Variants in CCDC38 observed in about 807,000 individuals in gnomAD.
The protein encoded by CCDC38 is coiled-coil domain-containing protein 38.
In CCDC38, 69 loss-of-function variants were observed where a neutral mutation model predicts 72.8. The ratio of observed to expected loss-of-function variants is 0.95; its 90% confidence interval spans 0.78 to 1.16. The LOEUF (loss-of-function observed/expected upper bound fraction) is 1.16. Ranked by LOEUF, CCDC38 falls within the 50% of genes most tolerant of loss-of-function variation. The pLI is 0.00. For synonymous variants in CCDC38, 201 were observed against 213.2 expected (o/e 0.94, Z 0.50); for missense variants, 626 against 638.9 (o/e 0.98, Z 0.22).
At chr12:95,903,438 G>A (rs566825400) in intron 5 of CCDC38, 4 of 699,876 alleles carry the variant, frequency 5.7e-6, no homozygotes, top group African/African-American at 3.5e-5. Flanking sequence ...AAAAGAAGTG[G>A]TGCAGTGGAA....
At position 95,914,588 on chromosome 12, in the gene CCDC38, C is replaced by T. The variant is rs1288042821; in HGVS notation, c.304+2541G>A. On this transcript the variant is annotated intron_variant, in intron 4 of 15. Coordinates refer to ENST00000344280, the MANE Select transcript of CCDC38 (RefSeq NM_182496.3). ...GCAGATAAAAAGTTTTAAATCATAA[C>T]CATAAAACCACCATCACCCCTAACA... Among the ~76,000 whole-genome samples the T allele has an allele frequency of 2.0e-5, 3 of 152,130 alleles. No individual in the cohort carries two copies. The East Asian group carries it at 5.8e-4, about 29-fold the overall frequency.
intron 7 of CCDC38, 29 bp downstream of exon 7, chr12:95,898,356 G>C: frequency 6.2e-7 from 1 of 1,607,134 alleles, no homozygotes; most frequent in Non-Finnish European, 8.5e-7. Flanking sequence ...GTGGAAATTT[G>C]GCCACGAGAA....
In CCDC38 at chr12:95,879,877, G is replaced by A; in HGVS notation, c.991-82C>T. 1 of 1,075,712 alleles carries A rather than the reference G, an allele frequency of 9.3e-7. No individual in the cohort carries two copies. Among genetic ancestry groups the A allele is most frequent in the Non-Finnish European group, 1.3e-6 (1 of 750,772 alleles). 66.6% of individuals were successfully genotyped at this position (1,075,712 alleles called of 1,614,324 possible). On this transcript the variant is annotated intron_variant, in intron 11 of 15. Transcript: ENST00000344280. The surrounding 1 kb of genome is among the most constrained non-coding windows in gnomAD (Gnocchi z 5.5). ...TGTGACTTATCTAGAAAATACAGTGGGGTAAAGGAAGACAGTTCTAAGGAT... is the reference window on the plus strand; with the variant it reads ...TGTGACTTATCTAGAAAATACAGTGAGGTAAAGGAAGACAGTTCTAAGGAT...
At chr12:95,870,660 G>A (rs187398841) in intron 14 of CCDC38, among the ~76,000 whole-genome samples, 1 of 152,266 alleles carries the variant, frequency 6.6e-6, no homozygotes, top group Non-Finnish European at 1.5e-5. Context: ...TGTTAGTGTA[G>A]TCATAATGAG....
chr12:95,897,610 C>CAAA (rs370408931), intron 7 of CCDC38, among the ~76,000 whole-genome samples: 20 of 75,286 alleles, frequency 2.7e-4, no homozygotes, highest in African/African-American at 3.6e-4. Context: ...AACTCCCTCT[C>CAAA]AAAAAAAAAA....
At chr12:95,942,180 CTT>C (rs1370726755) in intron 1 of CCDC38, among the ~76,000 whole-genome samples, 3 of 152,222 alleles carry the variant, frequency 2.0e-5, no homozygotes, top group Admixed American at 6.5e-5. Flanking sequence ...TTCCACAAGA[CTT>C]AACACAGAGC....
chr12:95,880,055 GAGAC>G (rs1300030125), intron 11 of CCDC38: 18 of 257,356 alleles, frequency 7.0e-5, no homozygotes, highest in Non-Finnish European at 9.5e-5. Context: ...TGAGGAAAAG[GAGAC>G]AGAGCAGAAG....
chr12:95,877,065 G>A (rs2079643738), intron 13 of CCDC38, among the ~76,000 whole-genome samples: 1 of 152,006 alleles, frequency 6.6e-6, no homozygotes. Context: ...GTTTTATTGG[G>A]GATGAAGAAA....
intron 2 of CCDC38, among the ~76,000 whole-genome samples, chr12:95,928,861 G>T (rs2080303354): frequency 6.6e-6 from 1 of 152,194 alleles, no homozygotes; most frequent in South Asian, 2.1e-4. Flanking sequence ...GGGGGTCAGG[G>T]GTCAGGGACC....
At chr12:95,923,423 T>A (rs2080230159) in intron 2 of CCDC38, among the ~76,000 whole-genome samples, 5 of 152,102 alleles carry the variant, frequency 3.3e-5, no homozygotes, top group Admixed American at 3.3e-4. Flanking sequence ...GAGCCACTGT[T>A]GTCCTCCAGG....
rs1365105521 is a variant in CCDC38, at chr12:95,869,551, C to T, written c.1507G>A (p.Glu503Lys). The T allele has an allele frequency of 6.2e-7, 1 of 1,612,836 alleles. No homozygotes were observed. Among genetic ancestry groups the T allele is most frequent in the African/African-American group, 1.3e-5 (1 of 74,802 alleles). The change falls in exon 15 of 16, where the codon GAA becomes AAA. Residue 503 changes from glutamate to lysine, a missense_variant. By Grantham distance (56) the Glu-to-Lys change is moderately conservative. Coordinates refer to ENST00000344280, the MANE Select transcript of CCDC38 (RefSeq NM_182496.3). ...RQKFRDEKMK[E>K]KQRHQQERLK... ...CTTTCCTGTTGGTGTCTTTGTTTTT[C>T]TTTCATTTTCTCATCACGAAACCTG...
chr12:95,922,430 G>A (rs1008524258), intron 2 of CCDC38, among the ~76,000 whole-genome samples: 5 of 152,220 alleles, frequency 3.3e-5, no homozygotes, highest in Non-Finnish European at 7.3e-5. Flanking sequence ...CCAGTGGTGG[G>A]AGGCAACTTT....
At chr12:95,930,370 G>T (rs1165277367) in intron 2 of CCDC38, among the ~76,000 whole-genome samples, 1 of 150,484 alleles carries the variant, frequency 6.6e-6, no homozygotes, top group Non-Finnish European at 1.5e-5. Context: ...TCCTTCTGGA[G>T]GCTCTGAGGG....
intron 1 of CCDC38, among the ~76,000 whole-genome samples, chr12:95,941,863 C>A (rs1001394216): frequency 6.6e-6 from 1 of 151,474 alleles, no homozygotes; most frequent in African/African-American, 2.4e-5. Flanking sequence ...CCCCCTCCCC[C>A]CCACCCTTAG....
At chr12:95,905,188 C>T (rs1384549962) in intron 5 of CCDC38, among the ~76,000 whole-genome samples, 4 of 151,794 alleles carry the variant, frequency 2.6e-5, no homozygotes, top group Non-Finnish European at 5.9e-5. Flanking sequence ...TATTTTTTAT[C>T]ATTTTTTCTG....
intron 2 of CCDC38, among the ~76,000 whole-genome samples, chr12:95,926,192 G>A (rs1322546501): frequency 6.1e-5 from 9 of 147,578 alleles, no homozygotes; most frequent in African/African-American, 1.8e-4. Flanking sequence ...TGGTTGGTAA[G>A]CTATTGATTA....
At chr12:95,907,147 C>T (rs2080013755) in intron 4 of CCDC38, among the ~76,000 whole-genome samples, 3 of 147,796 alleles carry the variant, frequency 2.0e-5, no homozygotes, top group Non-Finnish European at 4.5e-5. Context: ...GGGGTAAGGT[C>T]ACAGATCAAC....
intron 2 of CCDC38, among the ~76,000 whole-genome samples, chr12:95,931,335 T>C (rs1026552482): frequency 1.3e-5 from 2 of 152,224 alleles, no homozygotes; most frequent in Admixed American, 6.5e-5. Context: ...TGGATTATAT[T>C]AGGCCCATTG....
chr12:95,886,162 C>A (rs2079756676), intron 10 of CCDC38, among the ~76,000 whole-genome samples: 1 of 152,076 alleles, frequency 6.6e-6, no homozygotes, highest in Non-Finnish European at 1.5e-5. Flanking sequence ...AGAAATAGCC[C>A]CCAACAAATA....
Sources: allele counts gnomAD v4.1 joint callset (sites outside exome capture counted in the v4.1 genomes callset), GRCh38; gene constraint gnomAD v4.1.1; non-coding constraint Gnocchi (gnomAD v3.1); transcripts MANE v1.5; gene names NCBI Gene and HGNC (gene_info 2026-07-23, HGNC 2026-07-21).